SEMA5A: variants seen among roughly 807,000 people sequenced by gnomAD.
SEMA5A encodes semaphorin-5A.
SEMA5A carries 55 observed loss-of-function variants against 135.5 expected under a neutral mutation model. The ratio of observed to expected loss-of-function variants is 0.41; its 90% CI spans 0.33 to 0.51. The LOEUF is 0.51. Among genes scored for constraint, SEMA5A ranks in the 20% least tolerant of loss-of-function variants. SEMA5A has a pLI of 0.37. For missense variants in SEMA5A, 1,290 were observed against 1,419.9 expected (o/e 0.91, Z 1.47); for synonymous variants, 580 against 546.5 (o/e 1.06, Z -0.85).
At chr5:9,158,024 T>C (rs568835818) in intron 11 of SEMA5A, among the ~76,000 whole-genome samples, 1 of 152,306 alleles carries the variant, frequency 6.6e-6, no homozygotes, top group Non-Finnish European at 1.5e-5. Context: ...AAGAACTATG[T>C]CAGTTGTGTC....
chr5:9,322,781 C>T (rs1752688490), intron 4 of SEMA5A, among the ~76,000 whole-genome samples: 1 of 152,030 alleles, frequency 6.6e-6, no homozygotes, highest in Admixed American at 6.6e-5. Flanking sequence ...GCCTCAAGGC[C>T]CCACCTATTA....
chr5:9,458,854 T>G (rs1404371885), intron 1 of SEMA5A, among the ~76,000 whole-genome samples: 1 of 152,188 alleles, frequency 6.6e-6, no homozygotes, highest in Non-Finnish European at 1.5e-5. Context: ...CCCAACGATG[T>G]GCACATTTTA....
intron 22 of SEMA5A, among the ~76,000 whole-genome samples, chr5:9,043,808 A>ACACAGGACTGGGTAAATTAC (rs1292279086): frequency 6.6e-6 from 1 of 152,244 alleles, no homozygotes; most frequent in African/African-American, 2.4e-5. Context: ...TTCAGTGGGA[A>ACACAGGACTGGGTAAATTAC]CACAGGACTG....
At chr5:9,207,102 G>GTATATACATATATATA (rs1554003339) in intron 8 of SEMA5A, among the ~76,000 whole-genome samples, 1 of 97,698 alleles carries the variant, frequency 1.0e-5, no homozygotes, top group Admixed American at 1.1e-4. Flanking sequence ...ATGATCAAGT[G>GTATATACATATATATA]TATATATATA....
intron 11 of SEMA5A, among the ~76,000 whole-genome samples, chr5:9,165,161 A>C (rs1743533685): frequency 6.6e-6 from 1 of 152,210 alleles, no homozygotes; most frequent in African/African-American, 2.4e-5. Context: ...TTTTGTCTCA[A>C]CAACAGCAGC....
chr5:9,110,175 C>G (rs757095906), intron 15 of SEMA5A, among the ~76,000 whole-genome samples: 1 of 152,136 alleles, frequency 6.6e-6, no homozygotes, highest in Non-Finnish European at 1.5e-5. Context: ...GATGATCTAT[C>G]TTTACCAAAT....
intron 2 of SEMA5A, among the ~76,000 whole-genome samples, chr5:9,395,854 C>A (rs1411576812): frequency 1.3e-5 from 2 of 152,130 alleles, no homozygotes; most frequent in Non-Finnish European, 2.9e-5. Context: ...AAAATCCCTG[C>A]AGTTCTCTTT....
chr5:9,267,200 G>A (rs910020138), intron 5 of SEMA5A, among the ~76,000 whole-genome samples: 1 of 152,074 alleles, frequency 6.6e-6, no homozygotes, highest in Non-Finnish European at 1.5e-5. Flanking sequence ...TTTAATATAT[G>A]AGCCAGGAAG....
Position 9,108,172 on chromosome 5 carries a change from C to G in SEMA5A, c.2041G>C (p.Glu681Gln). 6.2e-7 allele frequency: 1 copy of G among 1,614,112 alleles called. No individual in the cohort carries two copies. The highest frequency in any genetic ancestry group is 2.2e-5 in the East Asian group (1 of 44,880). ...GGIQARRRIC[E>Q]NGPDCAGCNV... The stretch of plus-strand genomic sequence containing the variant: ...CAGCCTGCACAGTCAGGCCCATTCT[C>G]ACAGATCCTGCGGCGAGCTTGAATG... The change falls in exon 16 of 23, where the codon GAG becomes CAG. Residue 681 changes from glutamate to glutamine, a missense_variant. Transcript: ENST00000382496.
intron 5 of SEMA5A, among the ~76,000 whole-genome samples, chr5:9,281,291 T>C (rs1442384927): frequency 6.6e-6 from 1 of 152,232 alleles, no homozygotes; most frequent in Non-Finnish European, 1.5e-5. Flanking sequence ...CCTAATTCAA[T>C]CCAGCCAAGA....
At chr5:9,359,122 A>T (rs1031516977) in intron 3 of SEMA5A, among the ~76,000 whole-genome samples, 1 of 152,002 alleles carries the variant, frequency 6.6e-6, no homozygotes, top group Non-Finnish European at 1.5e-5. Flanking sequence ...CACACACACA[A>T]AGCAGGAATA....
At chr5:9,223,558 C>T (rs1747124547) in intron 8 of SEMA5A, among the ~76,000 whole-genome samples, 1 of 152,148 alleles carries the variant, frequency 6.6e-6, no homozygotes, top group African/African-American at 2.4e-5. Flanking sequence ...AGACCCACCC[C>T]CCAGTCCCAC....
chr5:9,143,866 T>C (rs1027383070), intron 12 of SEMA5A, among the ~76,000 whole-genome samples: 2 of 152,092 alleles, frequency 1.3e-5, no homozygotes, highest in Non-Finnish European at 2.9e-5. Flanking sequence ...ATAAAGTCTT[T>C]CTAGAAAGGC....
intron 2 of SEMA5A, among the ~76,000 whole-genome samples, chr5:9,386,558 C>G (rs1406193849): frequency 6.6e-6 from 1 of 152,174 alleles, no homozygotes; most frequent in Non-Finnish European, 1.5e-5. Flanking sequence ...CCTCATCTGT[C>G]TAGTCCTCCC....
intron 2 of SEMA5A, among the ~76,000 whole-genome samples, chr5:9,408,219 C>T (rs1237818476): frequency 6.6e-6 from 1 of 152,156 alleles, no homozygotes. Flanking sequence ...ACCACCACTA[C>T]AGCTAGCTAG....
intron 11 of SEMA5A, among the ~76,000 whole-genome samples, chr5:9,175,347 G>C (rs755209705): frequency 5.3e-5 from 8 of 152,130 alleles, no homozygotes; most frequent in Non-Finnish European, 1.0e-4. Context: ...TCTGCCTCCA[G>C]TTAGGCACAT....
At chr5:9,107,089 C>T (rs1739959314) in intron 16 of SEMA5A, among the ~76,000 whole-genome samples, 2 of 152,240 alleles carry the variant, frequency 1.3e-5, no homozygotes, top group South Asian at 4.1e-4. Context: ...GCCTCACAAA[C>T]CAAAGGATAA....
At chr5:9,278,009 C>A (rs1750352765) in intron 5 of SEMA5A, among the ~76,000 whole-genome samples, 1 of 151,310 alleles carries the variant, frequency 6.6e-6, no homozygotes, top group Non-Finnish European at 1.5e-5. Flanking sequence ...TCAATAGACC[C>A]AGAAAAAATG....
At chr5:9,110,074 A>G (rs926409999) in intron 15 of SEMA5A, among the ~76,000 whole-genome samples, 4 of 152,230 alleles carry the variant, frequency 2.6e-5, no homozygotes, top group African/African-American at 4.8e-5. Context: ...CCCTGTCAGC[A>G]TTTTGGAAAA....
Sources: gnomAD v4.1 joint callset for allele counts (sites outside exome capture counted in the v4.1 genomes callset) on GRCh38, gnomAD v4.1.1 for gene constraint, MANE v1.5 for transcripts, NCBI Gene and HGNC (gene_info 2026-07-23, HGNC 2026-07-21) for gene names.